PTPRJ: variants seen among roughly 807,000 people sequenced by gnomAD.
The protein encoded by PTPRJ is receptor-type tyrosine-protein phosphatase eta.
Under a neutral mutation model 141.3 loss-of-function variants are expected in PTPRJ, and 129 were observed. That is an observed-to-expected ratio of 0.91 (90% CI 0.79 to 1.06). The LOEUF (loss-of-function observed/expected upper bound fraction) is 1.06. Among genes scored for constraint, PTPRJ ranks in the 50% least tolerant of loss-of-function variants. The pLI is 0.00. For synonymous variants in PTPRJ, 610 were observed against 640.5 expected (o/e 0.95, Z 0.72); for missense variants, 1,601 against 1,679.7 (o/e 0.95, Z 0.82).
intron 1 of PTPRJ, among the ~76,000 whole-genome samples, chr11:48,090,689 A>G (rs1386246898): frequency 6.6e-6 from 1 of 152,136 alleles, no homozygotes; most frequent in Non-Finnish European, 1.5e-5. Context: ...TATGATGAAC[A>G]TTTTCCCAAT....
chr11:48,084,511 A>G (rs1855644775), intron 1 of PTPRJ, among the ~76,000 whole-genome samples: 1 of 152,166 alleles, frequency 6.6e-6, no homozygotes, highest in Non-Finnish European at 1.5e-5. Flanking sequence ...CCATGTCCCC[A>G]ATCAGGTTTG....
chr11:48,116,986 C>T (rs1234714151), intron 3 of PTPRJ, among the ~76,000 whole-genome samples: 5 of 152,176 alleles, frequency 3.3e-5, no homozygotes, highest in African/African-American at 9.7e-5. Flanking sequence ...TGTACAGCCC[C>T]TGGTATAGGA....
chr11:48,045,751 G>A (rs1280342523), intron 1 of PTPRJ, among the ~76,000 whole-genome samples: 1 of 152,172 alleles, frequency 6.6e-6, no homozygotes, highest in Non-Finnish European at 1.5e-5. Context: ...TTGTGGCCCA[G>A]TTGTTTGGCC....
At chr11:47,993,058 T>C (rs1854238346) in intron 1 of PTPRJ, among the ~76,000 whole-genome samples, 1 of 152,120 alleles carries the variant, frequency 6.6e-6, no homozygotes, top group Non-Finnish European at 1.5e-5. Flanking sequence ...AGTGTCTCTA[T>C]GTGTAGCTGG....
intron 7 of PTPRJ, among the ~76,000 whole-genome samples, chr11:48,129,722 G>A (rs1209505955): frequency 3.9e-5 from 6 of 152,188 alleles, no homozygotes; most frequent in South Asian, 2.1e-4. Flanking sequence ...CTGTAGTTGC[G>A]GGATCCAGGG....
At chr11:47,993,226 G>A (rs769203887) in intron 1 of PTPRJ, among the ~76,000 whole-genome samples, 1 of 152,222 alleles carries the variant, frequency 6.6e-6, no homozygotes, top group Non-Finnish European at 1.5e-5. Context: ...CTATGGGTCA[G>A]CGTTGTGTGT....
chr11:48,142,321 A>G (rs965622778), intron 11 of PTPRJ, among the ~76,000 whole-genome samples: 1 of 152,088 alleles, frequency 6.6e-6, no homozygotes, highest in Non-Finnish European at 1.5e-5. Flanking sequence ...TACTTTGGCT[A>G]TTCCTGGTCT....
chr11:48,156,073 A>G lies in PTPRJ; in HGVS notation c.3392A>G (p.Asn1131Ser). The G allele has an allele frequency of 1.3e-6, 2 of 1,599,496 alleles. No homozygotes were observed. Among genetic ancestry groups the G allele is most frequent in the Non-Finnish European group, 1.7e-6 (2 of 1,166,684 alleles). Residue 1131 changes from asparagine to serine, a missense_variant, in exon 21 of 25, where the codon AAT (asparagine) becomes AGT (serine). By Grantham distance (46) the Asn-to-Ser change is conservative. Coordinates refer to ENST00000418331, the MANE Select transcript of PTPRJ (RefSeq NM_002843.4). The stretch of plus-strand genomic sequence containing the variant: ...TTTTGGCGTATGGTTTGGGAGAAAA[A>G]TGTATATGCCATCATTATGTTGACT... ...KDFWRMVWEKNVYAIIMLTKC... is the reference protein window; with the variant it reads ...KDFWRMVWEKSVYAIIMLTKC...
chr11:48,075,370 CT>C (rs1855374172), intron 1 of PTPRJ, among the ~76,000 whole-genome samples: 1 of 151,938 alleles, frequency 6.6e-6, no homozygotes, highest in Admixed American at 6.6e-5. Context: ...TGTGATCCCC[CT>C]GCCTCGGCCT....
At chr11:48,135,378 TGCTGGTCAG>T (rs1857072650) in intron 8 of PTPRJ, among the ~76,000 whole-genome samples, 1 of 151,822 alleles carries the variant, frequency 6.6e-6, no homozygotes, top group Non-Finnish European at 1.5e-5. Flanking sequence ...GGTTTCTCCA[TGCTGGTCAG>T]GCTGGTCTCA....
intron 11 of PTPRJ, among the ~76,000 whole-genome samples, chr11:48,140,440 G>A (rs113764551): frequency 1.3e-5 from 2 of 152,320 alleles, no homozygotes; most frequent in South Asian, 4.1e-4. Context: ...AGCATTGAGA[G>A]GGAGAGGATT....
chr11:48,037,132 C>G (rs1854146307), intron 1 of PTPRJ, among the ~76,000 whole-genome samples: 1 of 152,200 alleles, frequency 6.6e-6, no homozygotes, highest in African/African-American at 2.4e-5. Flanking sequence ...CCACCCGATT[C>G]AGAACTTTTG....
chr11:48,110,932 A>G (rs1259240320), intron 2 of PTPRJ, among the ~76,000 whole-genome samples: 2 of 152,248 alleles, frequency 1.3e-5, no homozygotes, highest in African/African-American at 2.4e-5. Flanking sequence ...TGAAAGCACC[A>G]TCCATCCCTG....
chr11:48,144,951 C>T lies in PTPRJ; in HGVS notation c.2787-49C>T, dbSNP rs562338145. The T allele has an allele frequency of 7.7e-5, 124 of 1,613,996 alleles. 1 individual carries two copies. The Admixed American group carries it at 1.3e-3, about 17-fold the overall frequency. On this transcript the variant is annotated intron_variant, in intron 13 of 24. Coordinates refer to ENST00000418331, the MANE Select transcript of PTPRJ (RefSeq NM_002843.4). The stretch of plus-strand genomic sequence containing the variant: ...ATGAGCATAAAGCTCTACATGCCTG[C>T]GGTCAGACACGTCTCAGGGACCTCT...
chr11:48,115,170 C>T (rs779689507), intron 3 of PTPRJ, among the ~76,000 whole-genome samples: 1 of 152,088 alleles, frequency 6.6e-6, no homozygotes, highest in South Asian at 2.1e-4. Context: ...CTCTCCAAAC[C>T]TGGAGAAAGA....
intron 1 of PTPRJ, among the ~76,000 whole-genome samples, chr11:48,026,559 G>T (rs944605499): frequency 6.6e-6 from 1 of 150,716 alleles, no homozygotes. Flanking sequence ...TTGGCTCACC[G>T]CAACCTCTGC....
Position 48,150,081 on chromosome 11 carries a change from G to T in PTPRJ, c.3051-15G>T. On this transcript the variant is annotated splice_polypyrimidine_tract_variant and intron_variant, in intron 17 of 24. Transcript: ENST00000418331. ...CACTGAATGTAAAAAATCCTGATAA[G>T]TTTTGTTTTCTTAGATCTAAGTTAA... The T allele has an allele frequency of 6.2e-7, 1 of 1,606,818 alleles. No individual in the cohort carries two copies. Among genetic ancestry groups the T allele is most frequent in the Non-Finnish European group, 8.5e-7 (1 of 1,174,578 alleles).
At chr11:48,000,140 CTTT>C (rs1168869186) in intron 1 of PTPRJ, among the ~76,000 whole-genome samples, 8 of 121,300 alleles carry the variant, frequency 6.6e-5, no homozygotes, top group Admixed American at 4.2e-4. Context: ...ATGCCTGGCC[CTTT>C]TTTTTTTTTT....
intron 1 of PTPRJ, among the ~76,000 whole-genome samples, chr11:47,997,845 T>G (rs11039487): frequency 0.019 from 2,663 of 142,564 alleles, 92 homozygotes; most frequent in African/African-American, 0.075. Context: ...TTTTAGAGTG[T>G]TTAGAGGCCT....
Sources: allele counts gnomAD v4.1 joint callset (sites outside exome capture counted in the v4.1 genomes callset), GRCh38; gene constraint gnomAD v4.1.1; transcripts MANE v1.5; gene names NCBI Gene and HGNC (gene_info 2026-07-23, HGNC 2026-07-21).